Variants in SCD5 observed in about 807,000 individuals in gnomAD.
The protein encoded by SCD5 is stearoyl-CoA desaturase 5, also known as acyl-CoA-desaturase 4.
A neutral mutation model predicts 30.4 loss-of-function variants in SCD5; 20 were observed. The ratio of observed to expected loss-of-function variants is 0.66; its 90% CI spans 0.46 to 0.96. The LOEUF (loss-of-function observed/expected upper bound fraction) is 0.96. Among genes scored for constraint, SCD5 ranks in the 40% least tolerant of loss-of-function variants. The probability of loss-of-function intolerance (pLI) is 0.00; values close to 1 mark genes in which losing one functional copy is unlikely to be tolerated. For missense variants in SCD5, 381 were observed against 443.3 expected (o/e 0.86, Z 1.26); for synonymous variants, 173 against 176.4 (o/e 0.98, Z 0.16).
chr4:82,742,058 T>G (rs2148839269), intron 1 of SCD5, among the ~76,000 whole-genome samples: 1 of 144,872 alleles, frequency 6.9e-6, no homozygotes, highest in East Asian at 2.0e-4. Flanking sequence ...CCAGCCTGGA[T>G]GACAGAAGAG....
intron 3 of SCD5, among the ~76,000 whole-genome samples, chr4:82,680,044 C>G (rs1365729296): frequency 6.6e-6 from 1 of 152,182 alleles, no homozygotes; most frequent in African/African-American, 2.4e-5. Context: ...CAGACCAACC[C>G]AAGAACAAAG....
chr4:82,763,961 C>T (rs1721432193), intron 1 of SCD5, among the ~76,000 whole-genome samples: 2 of 152,202 alleles, frequency 1.3e-5, no homozygotes. Flanking sequence ...AATAGAGCCA[C>T]TCCAGCCTTC....
At chr4:82,740,886 G>A (rs942462836) in intron 1 of SCD5, among the ~76,000 whole-genome samples, 21 of 152,146 alleles carry the variant, frequency 1.4e-4, no homozygotes, top group Admixed American at 3.3e-4. Context: ...AGAAACTATA[G>A]GGGAGGGTGA....
chr4:82,703,573 T>C (rs1391098607), intron 2 of SCD5, among the ~76,000 whole-genome samples: 2 of 152,198 alleles, frequency 1.3e-5, no homozygotes, highest in Non-Finnish European at 2.9e-5. Flanking sequence ...CCATCTACAG[T>C]GTACTTTCTC....
intron 3 of SCD5, among the ~76,000 whole-genome samples, chr4:82,665,008 T>C (rs1352132440): frequency 8.1e-6 from 1 of 123,076 alleles, no homozygotes; most frequent in Non-Finnish European, 1.6e-5. Context: ...TCTATATATA[T>C]ATATATATAT....
intron 1 of SCD5, among the ~76,000 whole-genome samples, chr4:82,791,035 T>G (rs1722089760): frequency 6.6e-6 from 1 of 152,068 alleles, no homozygotes; most frequent in Non-Finnish European, 1.5e-5. Context: ...GTCAGGAGAC[T>G]GAGACCATCC....
intron 2 of SCD5, among the ~76,000 whole-genome samples, chr4:82,689,430 T>C (rs143439037): frequency 6.6e-6 from 1 of 152,272 alleles, no homozygotes; most frequent in Non-Finnish European, 1.5e-5. Context: ...TGCCTCCCAC[T>C]GAACAAACTG....
At chr4:82,775,048 C>G (rs987060291) in intron 1 of SCD5, among the ~76,000 whole-genome samples, 8 of 152,312 alleles carry the variant, frequency 5.3e-5, no homozygotes, top group African/African-American at 1.7e-4. Flanking sequence ...CCCTTCCTCT[C>G]CCCCACAGCC....
chr4:82,697,333 T>C (rs1050164751), intron 2 of SCD5, among the ~76,000 whole-genome samples: 2 of 152,232 alleles, frequency 1.3e-5, no homozygotes, highest in South Asian at 2.1e-4. Context: ...GTATTGCGGT[T>C]TTTTTGGTTT....
intron 1 of SCD5, among the ~76,000 whole-genome samples, chr4:82,715,600 G>T (rs1258833592): frequency 6.6e-6 from 1 of 151,656 alleles, no homozygotes; most frequent in Non-Finnish European, 1.5e-5. Flanking sequence ...ATTTTCTGAG[G>T]AGCTTTAAAA....
chr4:82,669,693 A>T (rs908707215), intron 3 of SCD5, among the ~76,000 whole-genome samples: 3 of 152,180 alleles, frequency 2.0e-5, no homozygotes, highest in Non-Finnish European at 4.4e-5. Context: ...TCTCAGAGTA[A>T]GTATCAGAAA....
chr4:82,777,367 C>T (rs1721764770), intron 1 of SCD5, among the ~76,000 whole-genome samples: 1 of 152,214 alleles, frequency 6.6e-6, no homozygotes, highest in Non-Finnish European at 1.5e-5. Flanking sequence ...ATCAGATATC[C>T]AGTGCAATCA....
At chr4:82,720,365 CG>C (rs1316902937) in intron 1 of SCD5, among the ~76,000 whole-genome samples, 1 of 139,056 alleles carries the variant, frequency 7.2e-6, no homozygotes, top group African/African-American at 2.7e-5. Flanking sequence ...CCCAGGAGGT[CG>C]AGGCTGCAGT....
At chr4:82,798,168 G>C (rs1410363174) in intron 1 of SCD5, 138 bp downstream of exon 1, 23 of 976,002 alleles carry the variant, frequency 2.4e-5, no homozygotes, top group Non-Finnish European at 2.7e-5. Context: ...CAAGGGGGCC[G>C]CGGCGCGCAG....
chr4:82,788,782 G>C (rs1160557150), intron 1 of SCD5, among the ~76,000 whole-genome samples: 1 of 152,158 alleles, frequency 6.6e-6, no homozygotes, highest in East Asian at 1.9e-4. Context: ...ACTTCAGGGA[G>C]GGGCAGCCTC....
intron 1 of SCD5, among the ~76,000 whole-genome samples, chr4:82,745,673 A>G (rs761852014): frequency 1.3e-4 from 20 of 152,294 alleles, no homozygotes; most frequent in African/African-American, 4.1e-4. Context: ...CCCCTGCCCA[A>G]TGATTTTTAA....
intron 1 of SCD5, among the ~76,000 whole-genome samples, chr4:82,762,974 C>T (rs778109681): frequency 3.7e-4 from 57 of 152,278 alleles, no homozygotes; most frequent in East Asian, 1.2e-3. Flanking sequence ...CCTTCCTGGT[C>T]CCCCTCTGTA....
intron 1 of SCD5, among the ~76,000 whole-genome samples, chr4:82,706,286 A>T (rs963130321): frequency 3.3e-5 from 5 of 152,330 alleles, no homozygotes; most frequent in Non-Finnish European, 5.9e-5. Flanking sequence ...AGTAGGCTGG[A>T]CCTTGGGTGC....
At chr4:82,740,395 G>T (rs1245474027) in intron 1 of SCD5, among the ~76,000 whole-genome samples, 1 of 152,206 alleles carries the variant, frequency 6.6e-6, no homozygotes, top group Non-Finnish European at 1.5e-5. Flanking sequence ...GGGGCAGGTG[G>T]ACGGGGAGGA....
Sources: gnomAD v4.1 joint callset for allele counts (sites outside exome capture counted in the v4.1 genomes callset) on GRCh38, gnomAD v4.1.1 for gene constraint, MANE v1.5 for transcripts, NCBI Gene and HGNC (gene_info 2026-07-23, HGNC 2026-07-21) for gene names.